Variants in ST6GALNAC3 observed in about 807,000 individuals in gnomAD.
ST6GALNAC3 encodes the protein ST6 N-acetylgalactosaminide alpha-2,6-sialyltransferase 3.
A neutral mutation model predicts 32.7 loss-of-function variants in ST6GALNAC3; 25 were observed. The ratio of observed to expected loss-of-function variants is 0.76; its 90% CI spans 0.56 to 1.07. The LOEUF (loss-of-function observed/expected upper bound fraction) is 1.07, where lower values mean the gene tolerates loss of function less well. Ranked by LOEUF, ST6GALNAC3 falls within the 50% of genes least tolerant of loss-of-function variation. The probability of loss-of-function intolerance (pLI) is 0.00; values close to 1 mark genes in which losing one functional copy is unlikely to be tolerated. For synonymous variants in ST6GALNAC3, 129 were observed against 133.1 expected (o/e 0.97, Z 0.21); for missense variants, 355 against 382.4 (o/e 0.93, Z 0.60).
intron 2 of ST6GALNAC3, among the ~76,000 whole-genome samples, chr1:76,402,323 A>G (rs1653488414): frequency 6.6e-6 from 1 of 152,130 alleles, no homozygotes; most frequent in Non-Finnish European, 1.5e-5. Context: ...CAATGTAAAT[A>G]TATCTCTCCT....
intron 1 of ST6GALNAC3, among the ~76,000 whole-genome samples, chr1:76,307,439 G>A (rs367815534): frequency 2.0e-5 from 3 of 152,134 alleles, no homozygotes; most frequent in East Asian, 3.9e-4. Context: ...ACATATTGAT[G>A]AGACAACTTT....
chr1:76,323,635 T>C (rs955958766), intron 2 of ST6GALNAC3, among the ~76,000 whole-genome samples: 1 of 152,194 alleles, frequency 6.6e-6, no homozygotes, highest in African/African-American at 2.4e-5. Context: ...ACTTTTTGCC[T>C]AGGGATAAAT....
At chr1:76,370,337 A>G (rs1014775421) in intron 2 of ST6GALNAC3, among the ~76,000 whole-genome samples, 1 of 152,186 alleles carries the variant, frequency 6.6e-6, no homozygotes, top group African/African-American at 2.4e-5. Context: ...TTTACTCCAG[A>G]CTTGATAGAA....
At chr1:76,207,173 T>C (rs1654871280) in intron 1 of ST6GALNAC3, among the ~76,000 whole-genome samples, 1 of 152,170 alleles carries the variant, frequency 6.6e-6, no homozygotes, top group Admixed American at 6.5e-5. Context: ...ACAAAGTAGG[T>C]GTTAACCCCA....
chr1:76,491,289 A>G (rs1226265011), intron 3 of ST6GALNAC3, among the ~76,000 whole-genome samples: 2 of 152,006 alleles, frequency 1.3e-5, no homozygotes, highest in Non-Finnish European at 2.9e-5. Context: ...CTGGCCTCAT[A>G]TTTTCTGGGT....
intron 2 of ST6GALNAC3, among the ~76,000 whole-genome samples, chr1:76,371,794 G>A (rs1356817600): frequency 3.3e-5 from 5 of 152,162 alleles, no homozygotes; most frequent in African/African-American, 1.2e-4. Flanking sequence ...TTCAGTCTTT[G>A]ATCTACATTT....
At chr1:76,274,355 T>A (rs916843907) in intron 1 of ST6GALNAC3, among the ~76,000 whole-genome samples, 2 of 152,190 alleles carry the variant, frequency 1.3e-5, no homozygotes, top group Non-Finnish European at 2.9e-5. Context: ...AGAACCCAAC[T>A]CTGTATCTAT....
intron 1 of ST6GALNAC3, among the ~76,000 whole-genome samples, chr1:76,105,714 T>C (rs1169295846): frequency 6.6e-6 from 1 of 152,178 alleles, no homozygotes; most frequent in Non-Finnish European, 1.5e-5. Context: ...TTATTGGCCA[T>C]TACTATTTGC....
intron 3 of ST6GALNAC3, among the ~76,000 whole-genome samples, chr1:76,510,463 A>G (rs1393801676): frequency 6.6e-6 from 1 of 152,152 alleles, no homozygotes; most frequent in African/African-American, 2.4e-5. Flanking sequence ...TTATATAGGA[A>G]CAATAGAGTG....
intron 1 of ST6GALNAC3, among the ~76,000 whole-genome samples, chr1:76,188,463 G>T (rs1299792819): frequency 1.3e-5 from 2 of 152,188 alleles, no homozygotes; most frequent in Admixed American, 1.3e-4. Flanking sequence ...TTGGACTGGT[G>T]ATGTTTCTAA....
intron 1 of ST6GALNAC3, among the ~76,000 whole-genome samples, chr1:76,305,365 T>C (rs3903914): frequency 0.81 from 123,462 of 152,014 alleles, 50,306 homozygotes; most frequent in Non-Finnish European, 0.85. Context: ...AAGAAATATA[T>C]TGAGTGTAGG....
chr1:76,302,078 C>T (rs143104384), intron 1 of ST6GALNAC3, among the ~76,000 whole-genome samples: 3,379 of 151,984 alleles, frequency 0.022, 70 homozygotes, highest in Non-Finnish European at 0.034. Flanking sequence ...GTGACCACAA[C>T]GGTGACAACA....
At chr1:76,200,485 C>T (rs953354065) in intron 1 of ST6GALNAC3, among the ~76,000 whole-genome samples, 2 of 152,132 alleles carry the variant, frequency 1.3e-5, no homozygotes, top group South Asian at 4.1e-4. Context: ...TTTATTTCAA[C>T]CAGCTCAGAT....
chr1:76,343,929 A>G (rs1458661101), intron 2 of ST6GALNAC3, among the ~76,000 whole-genome samples: 1 of 152,226 alleles, frequency 6.6e-6, no homozygotes, highest in Non-Finnish European at 1.5e-5. Flanking sequence ...ATATTCATGT[A>G]TTCATCAAAG....
intron 1 of ST6GALNAC3, among the ~76,000 whole-genome samples, chr1:76,209,258 C>A (rs1655005094): frequency 1.3e-5 from 2 of 152,072 alleles, no homozygotes; most frequent in African/African-American, 4.8e-5. Context: ...TTCTTGAAGC[C>A]CCTGAGCTTA....
intron 3 of ST6GALNAC3, among the ~76,000 whole-genome samples, chr1:76,553,696 A>G (rs1279895311): frequency 6.6e-6 from 1 of 152,136 alleles, no homozygotes; most frequent in African/African-American, 2.4e-5. Context: ...GTCTTTAGTA[A>G]TTACATGATT....
rs74848791 is a variant in ST6GALNAC3 at position 76,218,874 on chromosome 1, T to C, written c.19-94931T>C. On this transcript the variant is annotated intron_variant, in intron 1 of 4. Transcript: ENST00000328299. ...TTGCCATCATTTGTAGTATAGACAA[T>C]AATTACTTGTGCTATTTATGTTTAT... Among the ~76,000 whole-genome samples the C allele has an allele frequency of 4.3e-3, 654 of 152,360 alleles. 5 individuals are homozygous for C. Among genetic ancestry groups the C allele is most frequent in the African/African-American group, 0.015 (620 of 41,586 alleles).
rs146161016 is a variant in ST6GALNAC3 at position 76,127,227 on chromosome 1, C to A, written c.18+52343C>A. The stretch of plus-strand genomic sequence containing the variant: ...AGCATGGAAAGGCCCAAATAACTTG[C>A]TGTGGGGAAGACTGACTGCCTCTGG... On this transcript the variant is annotated intron_variant, in intron 1 of 4. Transcript: ENST00000328299. Among the ~76,000 whole-genome samples the A allele has an allele frequency of 2.2e-3, 331 of 152,286 alleles. 2 individuals carry two copies. The highest frequency in any genetic ancestry group is 7.7e-3 in the African/African-American group (321 of 41,554).
At chr1:76,594,448 G>A (rs998687378) in intron 3 of ST6GALNAC3, among the ~76,000 whole-genome samples, 3 of 152,024 alleles carry the variant, frequency 2.0e-5, no homozygotes, top group African/African-American at 2.4e-5. Flanking sequence ...AGAACCAAAG[G>A]TCTCTAATAC....
Sources: allele counts gnomAD v4.1 joint callset (sites outside exome capture counted in the v4.1 genomes callset), GRCh38; gene constraint gnomAD v4.1.1; transcripts MANE v1.5; gene names NCBI Gene and HGNC (gene_info 2026-07-23, HGNC 2026-07-21).